Variants in MGAT4C observed in about 807,000 individuals in gnomAD.
MGAT4C encodes MGAT4 family member C.
A neutral mutation model predicts 40.1 loss-of-function variants in MGAT4C; 19 were observed. The ratio of observed to expected loss-of-function variants is 0.47; its 90% CI spans 0.33 to 0.70. MGAT4C has a LOEUF of 0.70. Among genes scored for constraint, MGAT4C ranks in the 30% least tolerant of loss-of-function variants. The pLI is 0.02. For missense variants in MGAT4C, 491 were observed against 563.2 expected, an observed-to-expected ratio of 0.87 and a Z score of 1.30; for synonymous variants, 181 against 187.1, an observed-to-expected ratio of 0.97 and a Z score of 0.27.
chr12:86,804,508 A>T (rs1202686011), intron 1 of MGAT4C, among the ~76,000 whole-genome samples: 1 of 151,942 alleles, frequency 6.6e-6, no homozygotes, highest in Non-Finnish European at 1.5e-5. Flanking sequence ...TCATTTTATT[A>T]TATTTGGCTA....
intron 2 of MGAT4C, among the ~76,000 whole-genome samples, chr12:86,677,042 C>T (rs1289133688): frequency 5.3e-5 from 8 of 151,764 alleles, no homozygotes; most frequent in African/African-American, 1.5e-4. Flanking sequence ...ATTTAAGTGG[C>T]GGAGGTTAGA....
At chr12:86,774,281 C>CTCTTTCTCTCTTTCTTTCTTTCTTTCTT (rs1951692872) in intron 1 of MGAT4C, among the ~76,000 whole-genome samples, 1 of 58,934 alleles carries the variant, frequency 1.7e-5, no homozygotes, top group African/African-American at 6.4e-5. Flanking sequence ...CTAAGGCTTG[C>CTCTTTCTCTCTTTCTTTCTTTCTTTCTT]TCTTTCTTTC....
chr12:86,686,685 C>A (rs1320650935), intron 2 of MGAT4C, among the ~76,000 whole-genome samples: 1 of 152,120 alleles, frequency 6.6e-6, no homozygotes, highest in African/African-American at 2.4e-5. Context: ...GGGATGAAGT[C>A]AACTTGATCA....
intron 3 of MGAT4C, among the ~76,000 whole-genome samples, chr12:86,427,863 A>G (rs1956959322): frequency 6.6e-6 from 1 of 152,118 alleles, no homozygotes; most frequent in Admixed American, 6.5e-5. Flanking sequence ...TACTAAAAAT[A>G]CACAAAATTA....
intron 1 of MGAT4C, among the ~76,000 whole-genome samples, chr12:86,253,865 T>C (rs1952405623): frequency 6.6e-6 from 1 of 151,926 alleles, no homozygotes; most frequent in South Asian, 2.1e-4. Context: ...ATAAACTAAA[T>C]TCTAGGAAAG....
At chr12:86,245,461 C>T (rs938763596) in intron 1 of MGAT4C, among the ~76,000 whole-genome samples, 1 of 152,170 alleles carries the variant, frequency 6.6e-6, no homozygotes, top group Non-Finnish European at 1.5e-5. Flanking sequence ...ATTTTGGCCC[C>T]ATGGGCATCC....
Position 86,137,620 on chromosome 12 carries a change from C to T in MGAT4C, c.-56-87897G>A, listed in dbSNP as rs575185403. Among the ~76,000 whole-genome samples the T allele has an allele frequency of 1.1e-3, 169 of 152,274 alleles. 1 individual carries two copies. Among genetic ancestry groups the T allele is most frequent in the Non-Finnish European group, 2.1e-3 (140 of 68,000 alleles). ...GCTCAAGAAAAGTATTTAACAAAAT[C>T]GACCATGTCTAGGAACTCTCTTTGG... On this transcript the variant is annotated intron_variant, in intron 1 of 4. Transcript: ENST00000611864.
At chr12:86,765,540 G>A (rs530738028) in intron 1 of MGAT4C, among the ~76,000 whole-genome samples, 3 of 152,062 alleles carry the variant, frequency 2.0e-5, no homozygotes, top group African/African-American at 7.2e-5. Context: ...CCCTTGAGAA[G>A]AGCAACTCCA....
intron 3 of MGAT4C, among the ~76,000 whole-genome samples, chr12:85,987,211 A>G (rs10863132): frequency 0.26 from 33,527 of 130,938 alleles, 4,633 homozygotes; most frequent in Non-Finnish European, 0.32. Context: ...ATCTCGGCTC[A>G]CTGCAAGCTC....
At chr12:86,510,293 G>C (rs1958550057) in intron 2 of MGAT4C, among the ~76,000 whole-genome samples, 1 of 152,084 alleles carries the variant, frequency 6.6e-6, no homozygotes, top group Admixed American at 6.6e-5. Flanking sequence ...CAAATGCTGA[G>C]AGATTTTGTC....
At chr12:86,111,390 G>A (rs1877375123) in intron 1 of MGAT4C, among the ~76,000 whole-genome samples, 1 of 151,764 alleles carries the variant, frequency 6.6e-6, no homozygotes, top group South Asian at 2.1e-4. Flanking sequence ...TGATATCAGT[G>A]TTGTACATGT....
intron 1 of MGAT4C, among the ~76,000 whole-genome samples, chr12:86,093,925 A>G (rs1030592734): frequency 6.6e-6 from 1 of 152,154 alleles, no homozygotes; most frequent in Non-Finnish European, 1.5e-5. Flanking sequence ...TATGCTATAA[A>G]TTTTACATTT....
chr12:86,465,719 A>G (rs1353568124), intron 2 of MGAT4C, among the ~76,000 whole-genome samples: 1 of 152,142 alleles, frequency 6.6e-6, no homozygotes, highest in Non-Finnish European at 1.5e-5. Flanking sequence ...AATTCACAAC[A>G]CTGACAACAC....
At chr12:86,278,872 T>C (rs1039655742) in intron 4 of MGAT4C, among the ~76,000 whole-genome samples, 4 of 152,136 alleles carry the variant, frequency 2.6e-5, no homozygotes, top group African/African-American at 4.8e-5. Flanking sequence ...TTTTGTAGAG[T>C]TTTTATCATG....
chr12:86,410,333 G>T (rs1410840030), intron 3 of MGAT4C, among the ~76,000 whole-genome samples: 1 of 151,984 alleles, frequency 6.6e-6, no homozygotes, highest in South Asian at 2.1e-4. Context: ...CTCCCAGAGC[G>T]GCCATTTATA....
chr12:86,541,355 G>T (rs978351870), intron 2 of MGAT4C, among the ~76,000 whole-genome samples: 1 of 152,146 alleles, frequency 6.6e-6, no homozygotes, highest in African/African-American at 2.4e-5. Context: ...CATAAAATTT[G>T]TGGACTACGA....
At chr12:86,816,891 G>A (rs915474135) in intron 1 of MGAT4C, among the ~76,000 whole-genome samples, 25 of 150,616 alleles carry the variant, frequency 1.7e-4, no homozygotes, top group African/African-American at 6.1e-4. Context: ...TATTATTATT[G>A]TATAATCCTA....
intron 3 of MGAT4C, among the ~76,000 whole-genome samples, chr12:86,361,883 TG>T (rs1379602044): frequency 1.3e-5 from 2 of 152,220 alleles, no homozygotes; most frequent in Non-Finnish European, 2.9e-5. Context: ...TTTACCCTGT[TG>T]GTGGGACTGT....
chr12:86,448,383 T>C (rs562029023), intron 2 of MGAT4C, among the ~76,000 whole-genome samples: 13 of 152,336 alleles, frequency 8.5e-5, no homozygotes, highest in Non-Finnish European at 1.6e-4. Context: ...CATTCTTAAA[T>C]GCAAAATTTA....
Sources: allele counts gnomAD v4.1 joint callset (sites outside exome capture counted in the v4.1 genomes callset), GRCh38; gene constraint gnomAD v4.1.1; transcripts MANE v1.5; gene names NCBI Gene and HGNC (gene_info 2026-07-23, HGNC 2026-07-21).